The following PRKN variants were observed in gnomAD, a reference collection of about 807,000 sequenced individuals.
The protein encoded by PRKN is parkin RBR E3 ubiquitin protein ligase.
In PRKN, 56 loss-of-function variants were observed where a neutral mutation model predicts 59.5. The ratio of observed to expected loss-of-function variants is 0.94; its 90% CI spans 0.76 to 1.18. The LOEUF (loss-of-function observed/expected upper bound fraction) is 1.18, where lower values mean the gene tolerates loss of function less well. Among genes scored for constraint, PRKN ranks in the 50% most tolerant of loss-of-function variants. PRKN has a pLI of 0.00. For missense variants in PRKN, 657 were observed against 596.4 expected (o/e 1.10, Z -1.06); for synonymous variants, 250 against 222.1 (o/e 1.13, Z -1.12).
chr6:162,580,247 G>A (rs760037686), intron 1 of PRKN, among the ~76,000 whole-genome samples: 16 of 152,026 alleles, frequency 1.1e-4, no homozygotes, highest in Non-Finnish European at 2.4e-4. Flanking sequence ...GACCAGCCTG[G>A]GTAACATTGC....
intron 4 of PRKN, among the ~76,000 whole-genome samples, chr6:162,153,966 G>A (rs895123404): frequency 1.3e-5 from 2 of 152,160 alleles, no homozygotes; most frequent in African/African-American, 2.4e-5. Context: ...GGGAGAGAGC[G>A]GGTAAGCAGG....
chr6:162,025,490 T>C (rs1161285887), intron 5 of PRKN, among the ~76,000 whole-genome samples: 1 of 151,976 alleles, frequency 6.6e-6, no homozygotes, highest in Non-Finnish European at 1.5e-5. Flanking sequence ...TTTAGTGACT[T>C]CCTTCTATTG....
intron 5 of PRKN, among the ~76,000 whole-genome samples, chr6:162,003,752 C>T (rs1583466184): frequency 1.3e-5 from 2 of 152,158 alleles, no homozygotes; most frequent in East Asian, 3.9e-4. Flanking sequence ...GTAAATATGC[C>T]TGGTGTACTT....
rs867558232 is a variant in PRKN at position 162,010,568 on chromosome 6, T to A, written c.619-37151A>T. On this transcript the variant is annotated intron_variant, in intron 5 of 11. Transcript: ENST00000366898. ...TTATATTATATATTATATAATATAT[T>A]ATATAATGTATTATATTATATATAA... Among the ~76,000 whole-genome samples the A allele has an allele frequency of 5.9e-3, 64 of 10,814 alleles. 12 individuals are homozygous for A. The African/African-American group carries it at 0.063, about 11-fold the overall frequency. The allele number at this position is 10,814 out of a possible 152,430, so 7.1% of individuals were successfully genotyped here.
chr6:162,394,295 T>C (rs1251332157), intron 2 of PRKN, among the ~76,000 whole-genome samples: 2 of 152,164 alleles, frequency 1.3e-5, no homozygotes, highest in African/African-American at 4.8e-5. Context: ...GCGTTCTGCT[T>C]TCCCTTAGAG....
intron 1 of PRKN, among the ~76,000 whole-genome samples, chr6:162,672,087 T>C (rs1779345345): frequency 6.6e-6 from 1 of 152,140 alleles, no homozygotes; most frequent in African/African-American, 2.4e-5. Flanking sequence ...CTTAATGTGG[T>C]AGAGACTCCA....
chr6:162,106,599 T>G (rs1954925), intron 4 of PRKN, among the ~76,000 whole-genome samples: 91,271 of 152,030 alleles, frequency 0.6, 27,988 homozygotes, highest in East Asian at 0.75. Context: ...GAGAGCAGCA[T>G]TCTATCGTCA....
At chr6:161,718,091 T>A (rs6455763) in intron 7 of PRKN, among the ~76,000 whole-genome samples, 37,198 of 152,168 alleles carry the variant, frequency 0.24, 7,875 homozygotes, top group African/African-American at 0.58. Context: ...CAATGTGCCT[T>A]GCGATGGTTG....
chr6:161,667,005 A>C (rs2128167472), intron 7 of PRKN, among the ~76,000 whole-genome samples: 1 of 152,320 alleles, frequency 6.6e-6, no homozygotes, highest in East Asian at 1.9e-4. Flanking sequence ...ATTTATGAGA[A>C]GAAATAAGAC....
intron 1 of PRKN, among the ~76,000 whole-genome samples, chr6:162,465,049 A>G (rs1234573667): frequency 6.6e-6 from 1 of 152,132 alleles, no homozygotes; most frequent in African/African-American, 2.4e-5. Context: ...CACCCAGCAG[A>G]CAGAATGTTT....
intron 6 of PRKN, among the ~76,000 whole-genome samples, chr6:161,914,660 G>A (rs1778487910): frequency 6.6e-6 from 1 of 151,952 alleles, no homozygotes. Flanking sequence ...TCTACACTTT[G>A]GCCTCATACA....
chr6:162,093,007 C>A (rs1779570659), intron 4 of PRKN, among the ~76,000 whole-genome samples: 2 of 152,188 alleles, frequency 1.3e-5, no homozygotes, highest in Non-Finnish European at 2.9e-5. Context: ...GGAACTGCCA[C>A]CCAGAGGCAT....
rs750891612 is a variant in PRKN, at chr6:161,446,848, C to T, written c.1084-59971G>A. On this transcript the variant is annotated intron_variant, in intron 9 of 11. Coordinates refer to ENST00000366898, the MANE Select transcript of PRKN (RefSeq NM_004562.3). This position sits in a 1 kb window ranked among gnomAD's most constrained non-coding sequence, Gnocchi z 6.2. ...ATTGCCATTTAATTCCATCCATCAA[C>T]CCATTTTTCTGCTGTATACATAGAA... Among the ~76,000 whole-genome samples the T allele has an allele frequency of 5.3e-5, 8 of 152,120 alleles. No homozygotes were observed. The South Asian group carries it at 8.3e-4, about 16-fold the overall frequency.
intron 1 of PRKN, among the ~76,000 whole-genome samples, chr6:162,661,534 T>C (rs1778879880): frequency 6.6e-6 from 1 of 152,110 alleles, no homozygotes; most frequent in African/African-American, 2.4e-5. Flanking sequence ...GGTGGCCTTA[T>C]TAGGCAGGGT....
In PRKN at chr6:161,355,740, G is replaced by A. The variant is rs1436943761; in HGVS notation, c.1285+4348C>T. Among the ~76,000 whole-genome samples, 1 of 152,072 alleles carries A rather than the reference G, an allele frequency of 6.6e-6. No homozygotes were observed. The highest frequency in any genetic ancestry group is 1.5e-5 in the Non-Finnish European group (1 of 68,010). ...AGTTTTAATTCAGCAAATATTTTTT[G>A]TCCGGGCTCTCTTCTGGGATTGGAG... On this transcript the variant is annotated intron_variant, in intron 11 of 11. Coordinates refer to ENST00000366898, the MANE Select transcript of PRKN (RefSeq NM_004562.3). This position sits in a 1 kb window ranked among gnomAD's most constrained non-coding sequence, Gnocchi z 6.8.
chr6:162,338,966 C>T (rs1243619889), intron 2 of PRKN, among the ~76,000 whole-genome samples: 1 of 149,724 alleles, frequency 6.7e-6, no homozygotes, highest in East Asian at 2.1e-4. Context: ...AGGTGAGGAG[C>T]GTCTCTGCCC....
chr6:162,685,751 C>A (rs1779946494), intron 1 of PRKN, among the ~76,000 whole-genome samples: 1 of 152,104 alleles, frequency 6.6e-6, no homozygotes, highest in Non-Finnish European at 1.5e-5. Context: ...GATATATGGA[C>A]AACTTCCAAG....
At chr6:161,931,425 ACATGGCACCCAGCACCCCCAGAGG>A (rs1779167637) in intron 6 of PRKN, among the ~76,000 whole-genome samples, 1 of 152,148 alleles carries the variant, frequency 6.6e-6, no homozygotes, top group Admixed American at 6.5e-5. Flanking sequence ...AGTCCAGTAG[ACATGGCACCCAGCACCCCCAGAGG>A]CATTGTGTGA....
intron 6 of PRKN, among the ~76,000 whole-genome samples, chr6:161,801,656 C>T (rs918180601): frequency 6.6e-6 from 1 of 152,128 alleles, no homozygotes; most frequent in Non-Finnish European, 1.5e-5. Context: ...TGAAAATAAT[C>T]GAACGGGCCT....
Sources: gnomAD v4.1 joint callset for allele counts (sites outside exome capture counted in the v4.1 genomes callset) on GRCh38, gnomAD v4.1.1 for gene constraint, Gnocchi (gnomAD v3.1) non-coding constraint, MANE v1.5 for transcripts, NCBI Gene and HGNC (gene_info 2026-07-23, HGNC 2026-07-21) for gene names.